Variants in EPHA6 observed in about 807,000 individuals in gnomAD.
EPHA6 encodes ephrin type-A receptor 6.
EPHA6 carries 50 observed loss-of-function variants against 112.0 expected under a neutral mutation model. The ratio of observed to expected loss-of-function variants is 0.45; its 90% confidence interval spans 0.36 to 0.56. The LOEUF is 0.56. Ranked by LOEUF, EPHA6 falls within the 20% of genes least tolerant of loss-of-function variation. The probability of loss-of-function intolerance (pLI) is 0.00; values close to 1 mark genes in which losing one functional copy is unlikely to be tolerated. For missense variants in EPHA6, 1,280 were observed against 1,417.4 expected (o/e 0.90, Z 1.56); for synonymous variants, 529 against 490.7 (o/e 1.08, Z -1.03).
At chr3:97,017,740 T>A (rs2044312351) in intron 3 of EPHA6, among the ~76,000 whole-genome samples, 1 of 152,172 alleles carries the variant, frequency 6.6e-6, no homozygotes, top group South Asian at 2.1e-4. Context: ...CTTTGGGGGT[T>A]CAATTGTTAA....
At chr3:97,395,148 G>A (rs546043237) in intron 5 of EPHA6, among the ~76,000 whole-genome samples, 2 of 151,536 alleles carry the variant, frequency 1.3e-5, no homozygotes, top group East Asian at 1.9e-4. Flanking sequence ...AAAAAACAAG[G>A]AAGAACATAA....
rs373491426 is a variant in EPHA6, at chr3:96,866,446, T to C, written c.386-379T>C. ...AAAAAGAGAATCAAGAAATCTGCTTTAATACAGGATTTTCTTCCTGAATGT... is the reference window on the plus strand; with the variant it reads ...AAAAAGAGAATCAAGAAATCTGCTTCAATACAGGATTTTCTTCCTGAATGT... On this transcript the variant is annotated intron_variant, in intron 1 of 17. Coordinates refer to ENST00000389672, the MANE Select transcript of EPHA6 (RefSeq NM_001080448.3). Among the ~76,000 whole-genome samples the C allele has an allele frequency of 2.6e-4, 40 of 152,112 alleles. No individual in the cohort carries two copies. The South Asian group carries it at 8.1e-3, about 31-fold the overall frequency.
intron 5 of EPHA6, among the ~76,000 whole-genome samples, chr3:97,367,588 T>C (rs2084811166): frequency 6.6e-6 from 1 of 152,112 alleles, no homozygotes; most frequent in African/African-American, 2.4e-5. Context: ...TTTTTGTAGT[T>C]TTCTGTTTCT....
At chr3:97,195,114 A>G (rs931598991) in intron 3 of EPHA6, among the ~76,000 whole-genome samples, 1 of 151,624 alleles carries the variant, frequency 6.6e-6, no homozygotes, top group Non-Finnish European at 1.5e-5. Flanking sequence ...CCATTTTGTT[A>G]TTTGTTTACA....
chr3:97,272,475 G>C (rs1026096430), intron 5 of EPHA6, among the ~76,000 whole-genome samples: 1 of 152,108 alleles, frequency 6.6e-6, no homozygotes, highest in Non-Finnish European at 1.5e-5. Flanking sequence ...ACTTGCGTCC[G>C]TGTGAAGAGA....
intron 11 of EPHA6, among the ~76,000 whole-genome samples, chr3:97,573,436 A>G (rs1203617754): frequency 2.0e-5 from 3 of 152,174 alleles, no homozygotes; most frequent in African/African-American, 4.8e-5. Context: ...TTACAAAATT[A>G]AAGAGTTCTT....
chr3:97,314,206 G>A (rs1269995589), intron 5 of EPHA6, among the ~76,000 whole-genome samples: 1 of 151,458 alleles, frequency 6.6e-6, no homozygotes, highest in Non-Finnish European at 1.5e-5. Context: ...GTTTATTTCT[G>A]GGCTTTCTAT....
At chr3:97,015,638 A>C (rs1030935493) in intron 3 of EPHA6, among the ~76,000 whole-genome samples, 3 of 152,200 alleles carry the variant, frequency 2.0e-5, no homozygotes, top group Non-Finnish European at 4.4e-5. Flanking sequence ...CACAGTGATA[A>C]TCAAAAGGGA....
At chr3:97,346,323 A>C (rs2083529853) in intron 5 of EPHA6, among the ~76,000 whole-genome samples, 1 of 152,142 alleles carries the variant, frequency 6.6e-6, no homozygotes, top group Non-Finnish European at 1.5e-5. Context: ...TGTATTCTGA[A>C]ACACTTAGCC....
At chr3:96,831,649 AT>A (rs1341434184) in intron 1 of EPHA6, among the ~76,000 whole-genome samples, 1 of 151,964 alleles carries the variant, frequency 6.6e-6, no homozygotes, top group African/African-American at 2.4e-5. Flanking sequence ...AGGTATATTC[AT>A]TTTTAATAGG....
chr3:97,716,345 G>T (rs970678862), intron 14 of EPHA6, among the ~76,000 whole-genome samples: 1 of 124,744 alleles, frequency 8.0e-6, no homozygotes, highest in Non-Finnish European at 1.5e-5. Flanking sequence ...GAGGCGGGTG[G>T]ATCATGAGGT....
intron 3 of EPHA6, among the ~76,000 whole-genome samples, chr3:96,992,851 A>G (rs1223704957): frequency 6.6e-6 from 1 of 152,040 alleles, no homozygotes; most frequent in Non-Finnish European, 1.5e-5. Flanking sequence ...TTTATTCTTC[A>G]AGACCTAACA....
chr3:97,674,291 G>A (rs2031145661), intron 14 of EPHA6, among the ~76,000 whole-genome samples: 1 of 152,096 alleles, frequency 6.6e-6, no homozygotes, highest in Non-Finnish European at 1.5e-5. Context: ...GGTTACACCT[G>A]CTCATTTTCT....
chr3:97,234,142 G>C (rs1486392411), intron 4 of EPHA6, among the ~76,000 whole-genome samples: 1 of 152,096 alleles, frequency 6.6e-6, no homozygotes, highest in African/African-American at 2.4e-5. Context: ...AATGGCTACA[G>C]TCTAAAGAAA....
chr3:97,220,671 C>G (rs897427196), intron 3 of EPHA6, among the ~76,000 whole-genome samples: 12 of 152,062 alleles, frequency 7.9e-5, no homozygotes, highest in South Asian at 2.1e-4. Flanking sequence ...GGAAACCACC[C>G]CCATGATTCA....
intron 10 of EPHA6, among the ~76,000 whole-genome samples, chr3:97,510,449 G>A (rs920396452): frequency 1.3e-5 from 2 of 152,172 alleles, no homozygotes; most frequent in Admixed American, 1.3e-4. Flanking sequence ...AGGCCCCTCT[G>A]CTGCAGGTCT....
intron 3 of EPHA6, among the ~76,000 whole-genome samples, chr3:97,017,424 G>A (rs1042831653): frequency 6.6e-6 from 1 of 152,154 alleles, no homozygotes; most frequent in Non-Finnish European, 1.5e-5. Flanking sequence ...ATCAGCCTCA[G>A]CTAGAAGGGA....
At chr3:97,568,680 C>A (rs1042018039) in intron 11 of EPHA6, among the ~76,000 whole-genome samples, 1 of 152,028 alleles carries the variant, frequency 6.6e-6, no homozygotes, top group Non-Finnish European at 1.5e-5. Context: ...TCCCTTTTTT[C>A]CCCACTGTAG....
intron 5 of EPHA6, among the ~76,000 whole-genome samples, chr3:97,367,797 A>G (rs374612768): frequency 6.6e-6 from 1 of 152,288 alleles, no homozygotes; most frequent in African/African-American, 2.4e-5. Context: ...ACTAGCCAGA[A>G]TATCTATATT....
Sources: gnomAD v4.1 joint callset for allele counts (sites outside exome capture counted in the v4.1 genomes callset) on GRCh38, gnomAD v4.1.1 for gene constraint, MANE v1.5 for transcripts, NCBI Gene and HGNC (gene_info 2026-07-23, HGNC 2026-07-21) for gene names.